Variants in CENPO observed in about 807,000 individuals in gnomAD.
The protein encoded by CENPO is centromere protein O.
In CENPO, 30 loss-of-function variants were observed where a neutral mutation model predicts 36.1. That is an observed-to-expected ratio of 0.83 (90% CI 0.62 to 1.13). CENPO has a LOEUF of 1.13. Ranked by LOEUF, CENPO falls within the 50% of genes most tolerant of loss-of-function variation. The pLI is 0.00. For missense variants in CENPO, 349 were observed against 357.8 expected (o/e 0.98, Z 0.20); for synonymous variants, 171 against 142.3 (o/e 1.20, Z -1.44).
chr2:24,818,108 T>TATC (rs1667044702), intron 7 of CENPO, among the ~76,000 whole-genome samples: 1 of 152,068 alleles, frequency 6.6e-6, no homozygotes, highest in African/African-American at 2.4e-5. Flanking sequence ...GAAAAAGGTG[T>TATC]ATCACTCAAG....
intron 3 of CENPO, among the ~76,000 whole-genome samples, chr2:24,811,282 CTTTTT>C (rs70947848): frequency 2.5e-4 from 26 of 105,542 alleles, no homozygotes; most frequent in Non-Finnish European, 2.1e-4. Context: ...AGTCCATGAA[CTTTTT>C]TTTTTTTTTT....
chr2:24,816,509 CTTT>C, intron 5 of CENPO, 134 bp from the exon 6 acceptor site: 1 of 659,864 alleles, frequency 1.5e-6, no homozygotes, highest in Non-Finnish European at 2.5e-6. Flanking sequence ...TTTTTCAGAC[CTTT>C]TTCTGTCCCT....
intron 2 of CENPO, among the ~76,000 whole-genome samples, chr2:24,798,799 A>G (rs2148253244): frequency 6.6e-6 from 1 of 151,832 alleles, no homozygotes; most frequent in Middle Eastern, 3.4e-3. Context: ...TATTAGCCAT[A>G]AAAACCATAA....
At chr2:24,800,168 C>A (rs1666098270) in intron 3 of CENPO, among the ~76,000 whole-genome samples, 1 of 152,140 alleles carries the variant, frequency 6.6e-6, no homozygotes, top group Non-Finnish European at 1.5e-5. Context: ...GCCTATAATC[C>A]CAGCTACTCA....
chr2:24,803,679 C>T (rs2148264431), intron 3 of CENPO, among the ~76,000 whole-genome samples: 1 of 152,324 alleles, frequency 6.6e-6, no homozygotes, highest in African/African-American at 2.4e-5. Context: ...TTTGATTGCA[C>T]TGTCGTCTGA....
chr2:24,813,360 A>C (rs1666789294), intron 3 of CENPO, among the ~76,000 whole-genome samples: 1 of 152,128 alleles, frequency 6.6e-6, no homozygotes, highest in Non-Finnish European at 1.5e-5. Context: ...ACCTTTATTC[A>C]GTTGAGGTGG....
Position 24,821,639 on chromosome 2 carries a change from T to G in CENPO, c.*2321T>G. The G allele has an allele frequency of 3.7e-6, 6 of 1,613,950 alleles. No individual in the cohort carries two copies. The highest frequency in any genetic ancestry group is 3.3e-4 in the Middle Eastern group (2 of 6,060). ...CCAGCGCTCTCTCTCGGACTTGTCT[T>G]CCTGTGCCAGGGGACCGTGGAGAAA... On this transcript the variant is annotated 3_prime_UTR_variant, in exon 8 of 8. Transcript: ENST00000380834.
At chr2:24,816,915 A>G in intron 6 of CENPO, 98 bp downstream of exon 6, 36 of 1,178,152 alleles carry the variant, frequency 3.1e-5, no homozygotes, top group Non-Finnish European at 4.3e-5. Context: ...CTCTTGAGAC[A>G]CTTTCTCTGT....
chr2:24,817,563 C>A, intron 6 of CENPO, 107 bp from the exon 7 acceptor site: 4 of 1,437,880 alleles, frequency 2.8e-6, no homozygotes, highest in Non-Finnish European at 3.8e-6. Flanking sequence ...TGTCAGTGAT[C>A]CAGGCTCCGA....
At position 24,820,018 on chromosome 2, in the gene CENPO, A is replaced by C; in HGVS notation, c.*700A>C. 1 of 1,612,214 alleles carries C rather than the reference A, an allele frequency of 6.2e-7. No individual in the cohort carries two copies. The highest frequency in any genetic ancestry group is 8.5e-7 in the Non-Finnish European group (1 of 1,179,202). On this transcript the variant is annotated 3_prime_UTR_variant, in exon 8 of 8. Transcript: ENST00000380834. ...AGCTTATCCCGCCCCTTCAAGAAGAAGGTCAGCAGCTCCCCCTTCCCCTTC... is the reference window on the plus strand; with the variant it reads ...AGCTTATCCCGCCCCTTCAAGAAGACGGTCAGCAGCTCCCCCTTCCCCTTC...
rs1393753081 is a variant in CENPO at position 24,819,353 on chromosome 2, G to GAAAT, written c.*40_*43dup. ...GATCTGTTTATATATTTTTCTTTCA[G>GAAAT]AAATAAATCCCCCCTCCCCTGCCAG... On this transcript the variant is annotated splice_region_variant and 3_prime_UTR_variant. Transcript: ENST00000380834. 1 of 152,602 alleles carries GAAAT rather than the reference G, an allele frequency of 6.6e-6. No individual in the cohort carries two copies. The highest frequency in any genetic ancestry group is 1.5e-5 in the Non-Finnish European group (1 of 68,052). 9.5% of individuals were successfully genotyped at this position (152,602 alleles called of 1,614,324 possible).
In CENPO at chr2:24,821,046, C is replaced by CT; in HGVS notation, c.*1728_*1729insT. ...CGTGTGCTTGTTAGGTGTCAGCCGC[C>CT]ACCCCCCCCCCATATGCAGATTTAC... On this transcript the variant is annotated 3_prime_UTR_variant, in exon 8 of 8. Transcript: ENST00000380834. The CT allele has an allele frequency of 1.4e-6, 1 of 704,798 alleles. No homozygotes were observed. Among genetic ancestry groups the CT allele is most frequent in the African/African-American group, 1.9e-5 (1 of 52,822 alleles). The allele number at this position is 704,798 out of a possible 1,614,324, so 43.7% of individuals were successfully genotyped here. A position where few individuals can be genotyped will look rare whatever the true frequency, so the allele number is the denominator to read the frequency against.
In CENPO at chr2:24,820,606, T is replaced by TG; in HGVS notation, c.*1289dup. The TG allele has an allele frequency of 6.6e-7, 1 of 1,511,692 alleles. No individual in the cohort carries two copies. Among genetic ancestry groups the TG allele is most frequent in the Non-Finnish European group, 8.9e-7 (1 of 1,121,860 alleles). The allele number at this position is 1,511,692 out of a possible 1,614,324, so 93.6% of individuals were successfully genotyped here. On this transcript the variant is annotated 3_prime_UTR_variant, in exon 8 of 8. Transcript: ENST00000380834. ...TTCTTTTCCACTTGCCCCACGTCTC[T>TG]GCCTCTGGACTTACTGTTCAGGGCC...
chr2:24,822,335 T>TA lies in CENPO; in HGVS notation c.*3017_*3018insA, dbSNP rs1224756131. The TA allele has an allele frequency of 1.1e-5, 10 of 906,294 alleles. No individual in the cohort carries two copies. The African/African-American group carries it at 1.5e-4, about 14-fold the overall frequency. The allele number at this position is 906,294 out of a possible 1,614,324, so 56.1% of individuals were successfully genotyped here. A position where few individuals can be genotyped will look rare whatever the true frequency, so the allele number is the denominator to read the frequency against. ...GGGTTGTGTGTCTGTTCTGTTTCTC[T>TA]GCTTGCCGAACTTTCTCAATAAACC... On this transcript the variant is annotated 3_prime_UTR_variant, in exon 8 of 8. Coordinates refer to ENST00000380834, the MANE Select transcript of CENPO (RefSeq NM_001322101.2).
chr2:24,819,137 A>G (rs902637108), intron 7 of CENPO: 1 of 152,674 alleles, frequency 6.5e-6, no homozygotes, highest in South Asian at 2.1e-4. Context: ...CACTCCTCAG[A>G]TAAGTGATAT....
At chr2:24,811,824 C>T (rs1401876876) in intron 3 of CENPO, among the ~76,000 whole-genome samples, 1 of 152,132 alleles carries the variant, frequency 6.6e-6, no homozygotes, top group Non-Finnish European at 1.5e-5. Context: ...TCTTGAACTC[C>T]TGACCTCATG....
At chr2:24,812,325 T>A (rs1666729788) in intron 3 of CENPO, among the ~76,000 whole-genome samples, 1 of 152,202 alleles carries the variant, frequency 6.6e-6, no homozygotes, top group Non-Finnish European at 1.5e-5. Flanking sequence ...ATATAATATG[T>A]CTTTTTCTTC....
chr2:24,811,384 G>A (rs1339224629), intron 3 of CENPO, among the ~76,000 whole-genome samples: 5 of 143,914 alleles, frequency 3.5e-5, no homozygotes, highest in South Asian at 2.2e-4. Flanking sequence ...TGATTCAAGC[G>A]ATTCTCCTGC....
At chr2:24,817,909 C>G (rs1667034670) in intron 7 of CENPO, 68 bp downstream of exon 7, 1 of 1,312,614 alleles carries the variant, frequency 7.6e-7, no homozygotes, top group Non-Finnish European at 1.1e-6. Context: ...CATCACCCTT[C>G]TGATGAAAAC....
Sources: gnomAD v4.1 joint callset for allele counts (sites outside exome capture counted in the v4.1 genomes callset) on GRCh38, gnomAD v4.1.1 for gene constraint, MANE v1.5 for transcripts, NCBI Gene and HGNC (gene_info 2026-07-23, HGNC 2026-07-21) for gene names.